FREM3: variants seen among roughly 807,000 people sequenced by gnomAD.
FREM3 encodes FRAS1-related extracellular matrix protein 3.
In FREM3, 105 loss-of-function variants were observed where a neutral mutation model predicts 129.1. The observed-to-expected ratio is 0.81, with a 90% CI of 0.69 to 0.96. The LOEUF (loss-of-function observed/expected upper bound fraction) is 0.96, where lower values mean the gene tolerates loss of function less well. FREM3 is among the 40% of genes least tolerant of loss of function. The pLI is 0.00. For missense variants in FREM3, 2,593 were observed against 2,666.3 expected, an observed-to-expected ratio of 0.97 and a Z score of 0.61; for synonymous variants, 1,014 against 1,044.9, an observed-to-expected ratio of 0.97 and a Z score of 0.57.
rs541959208 is a variant in FREM3 at position 143,577,368 on chromosome 4, A to G, written c.*243T>C. On this transcript the variant is annotated 3_prime_UTR_variant, in exon 8 of 8. Transcript: ENST00000329798. Reference sequence around the variant, plus strand: ...TTCTTACTTGCCTCAGAAACAAAGTAAAACAAAATAGAAAAAGAACATGAA... The same window carrying G: ...TTCTTACTTGCCTCAGAAACAAAGTGAAACAAAATAGAAAAAGAACATGAA... 1.0e-5 allele frequency: 5 copies of G among 500,210 alleles called. No individual in the cohort carries two copies. The Admixed American group carries it at 1.5e-4, about 15-fold the overall frequency. 31.0% of individuals were successfully genotyped at this position (500,210 alleles called of 1,614,324 possible).
chr4:143,700,024 C>A lies in FREM3; in HGVS notation c.652G>T (p.Gly218Cys), dbSNP rs775139947. The A allele has an allele frequency of 6.6e-7, 1 of 1,509,176 alleles. No homozygotes were observed. The allele number at this position is 1,509,176 out of a possible 1,614,324, so 93.5% of individuals were successfully genotyped here. A position where few individuals can be genotyped will look rare whatever the true frequency, so the allele number is the denominator to read the frequency against. Reference protein sequence around the residue: ...CRLTPLPHEDGPLPKYGRLVD... With the variant: ...CRLTPLPHEDCPLPKYGRLVD... The stretch of plus-strand genomic sequence containing the variant: ...AAGCGCCCGTACTTGGGCAGGGGGC[C>A]GTCCTCGTGAGGAAGTGGGGTAAGC... The change falls in exon 1 of 8, where the codon GGC becomes TGC. Residue 218 changes from glycine (G) to cysteine (C), a missense_variant. By Grantham distance (159) the Gly-to-Cys change is radical. Coordinates refer to ENST00000329798, the MANE Select transcript of FREM3 (RefSeq NM_001168235.2).
intron 2 of FREM3, among the ~76,000 whole-genome samples, chr4:143,689,393 C>A (rs1740424542): frequency 6.6e-6 from 1 of 151,940 alleles, no homozygotes; most frequent in Non-Finnish European, 1.5e-5. Flanking sequence ...TAGATTTTGG[C>A]ATGGATGTGT....
intron 4 of FREM3, among the ~76,000 whole-genome samples, chr4:143,623,504 C>A (rs1044216548): frequency 2.3e-4 from 32 of 138,176 alleles, no homozygotes; most frequent in South Asian, 8.4e-4. Flanking sequence ...CCCCCCCCCC[C>A]CCCACCATTT....
At chr4:143,649,627 G>A (rs1739476881) in intron 2 of FREM3, among the ~76,000 whole-genome samples, 1 of 152,076 alleles carries the variant, frequency 6.6e-6, no homozygotes, top group Non-Finnish European at 1.5e-5. Flanking sequence ...GCTTTCAATG[G>A]GACTTTCTTC....
At chr4:143,684,855 T>G in intron 2 of FREM3, among the ~76,000 whole-genome samples, 1 of 152,076 alleles carries the variant, frequency 6.6e-6, no homozygotes, top group Non-Finnish European at 1.5e-5. Context: ...TTTAGAAATG[T>G]GAAATGCTCT....
In FREM3 at chr4:143,700,492, C is replaced by G; in HGVS notation, c.184G>C (p.Val62Leu). Reference protein sequence around the residue: ...LDGTRPDGPSVLIANPGLRVP... With the variant: ...LDGTRPDGPSLLIANPGLRVP... Reference sequence around the variant, plus strand: ...CGGAGTCCAGGGTTGGCAATCAGCACGCTGGGGCCGTCGGGGCGAGTGCCG... The same window carrying G: ...CGGAGTCCAGGGTTGGCAATCAGCAGGCTGGGGCCGTCGGGGCGAGTGCCG... Residue 62 changes from valine (V) to leucine (L), a missense_variant, in exon 1 of 8, where the codon GTG becomes CTG. Physicochemically the swap from Val to Leu is conservative, Grantham distance 32 (BLOSUM62 1). Coordinates refer to ENST00000329798, the MANE Select transcript of FREM3 (RefSeq NM_001168235.2). 1.3e-6 allele frequency: 2 copies of G among 1,512,728 alleles called. No homozygotes were observed. The highest frequency in any genetic ancestry group is 1.8e-6 in the Non-Finnish European group (2 of 1,133,502). 93.7% of individuals were successfully genotyped at this position (1,512,728 alleles called of 1,614,324 possible). A position where few individuals can be genotyped will look rare whatever the true frequency, so the allele number is the denominator to read the frequency against.
intron 6 of FREM3, among the ~76,000 whole-genome samples, chr4:143,587,840 A>T (rs1329774822): frequency 3.9e-5 from 6 of 152,154 alleles, no homozygotes; most frequent in Non-Finnish European, 7.3e-5. Context: ...ATTCTGGCTG[A>T]TCACTTAATC....
At position 143,700,031 on chromosome 4, in the gene FREM3, G is replaced by T. The variant is rs187477605; in HGVS notation, c.645C>A (p.His215Gln). ...TRRCRLTPLP[H>Q]EDGPLPKYGR... ...CGTACTTGGGCAGGGGGCCGTCCTC[G>T]TGAGGAAGTGGGGTAAGCCGGCACC... Residue 215 changes from histidine to glutamine, a missense_variant, in exon 1 of 8, where the codon CAC (histidine) becomes CAA (glutamine). Around this residue, in one of 2 missense-constraint regions of FREM3, gnomAD observed 2,276 missense variants for 2,267.2 expected, o/e 1.00. Transcript: ENST00000329798. 46 of 1,512,014 alleles carry T rather than the reference G, an allele frequency of 3.0e-5. 1 individual carries two copies. The East Asian group carries it at 1.1e-3, about 35-fold the overall frequency. The allele number at this position is 1,512,014 out of a possible 1,614,324, so 93.7% of individuals were successfully genotyped here.
chr4:143,609,354 G>A (rs1449149144), intron 6 of FREM3, among the ~76,000 whole-genome samples: 1 of 152,160 alleles, frequency 6.6e-6, no homozygotes, highest in Non-Finnish European at 1.5e-5. Flanking sequence ...GTAGTGAAGG[G>A]AAAAGGAATT....
Position 143,696,360 on chromosome 4 carries a change from C to A in FREM3, c.4316G>T (p.Gly1439Val). 6.5e-7 allele frequency: 1 copy of A among 1,537,370 alleles called. No individual in the cohort carries two copies. The highest frequency in any genetic ancestry group is 8.7e-7 in the Non-Finnish European group (1 of 1,146,958). The change falls in exon 1 of 8, where the codon GGT becomes GTT. Residue 1439 changes from glycine (G) to valine (V), a missense_variant. By Grantham distance (109) the Gly-to-Val change is moderately radical. This residue lies in a region of FREM3 where 2,276 missense variants were observed against 2,267.2 expected (regional missense o/e 1.00). Transcript: ENST00000329798. ...VISKRITLIEGARVTLTNNLL... is the reference protein window; with the variant it reads ...VISKRITLIEVARVTLTNNLL... ...ATTGTTGGTAAGGGTCACTCTGGCA[C>A]CTTCTATCAAGGTGATCCTTTTGCT...
rs1740574220 is a variant in FREM3, at chr4:143,696,630, C to T, written c.4046G>A (p.Gly1349Glu). Residue 1349 changes from glycine to glutamate, a missense_variant, in exon 1 of 8, where the codon GGG becomes GAG. By Grantham distance (98) the Gly-to-Glu change is moderately conservative. This residue lies in a region of FREM3 where 2,276 missense variants were observed against 2,267.2 expected (regional missense o/e 1.00). Transcript: ENST00000329798. ...DKSLSFVLHS[G>E]PQQGLLQRLR... ...CCTCTGTAGAAGCCCTTGTTGAGGC[C>T]CAGAATGGAGGACAAAACTGAGGCT... 6.5e-7 allele frequency: 1 copy of T among 1,537,758 alleles called. No individual in the cohort carries two copies. The highest frequency in any genetic ancestry group is 8.7e-7 in the Non-Finnish European group (1 of 1,147,028).
At chr4:143,632,216 T>C (rs1739153340) in intron 2 of FREM3, among the ~76,000 whole-genome samples, 2 of 152,066 alleles carry the variant, frequency 1.3e-5, no homozygotes. Flanking sequence ...AAAAAAATCC[T>C]TGTTCTTGTG....
At chr4:143,589,210 G>C (rs375377491) in intron 6 of FREM3, among the ~76,000 whole-genome samples, 1 of 152,156 alleles carries the variant, frequency 6.6e-6, no homozygotes, top group East Asian at 1.9e-4. Context: ...CTCTGATGGT[G>C]GTTTCTTTTG....
Position 143,663,877 on chromosome 4 carries a change from C to T in FREM3, c.5275+29236G>A, listed in dbSNP as rs570421629. 6.8e-4 allele frequency among the ~76,000 whole-genome samples: 103 copies of T among 152,188 alleles called. 2 individuals are homozygous for T. The highest frequency in any genetic ancestry group is 3.4e-3 in the Middle Eastern group (1 of 294). ...TACCCTTTCTTCCAGTTGATCGCAT[C>T]GGCTCCTGAGGCTTCTGCATTCTTC... is the stretch of plus-strand genomic sequence containing the variant. On this transcript the variant is annotated intron_variant, in intron 2 of 7. Coordinates refer to ENST00000329798, the MANE Select transcript of FREM3 (RefSeq NM_001168235.2).
chr4:143,599,934 T>C (rs1486979607), intron 6 of FREM3, among the ~76,000 whole-genome samples: 1 of 152,178 alleles, frequency 6.6e-6, no homozygotes, highest in African/African-American at 2.4e-5. Flanking sequence ...GGCCCTGGAC[T>C]ATGGGCTCAG....
At chr4:143,667,565 A>G (rs985718598) in intron 2 of FREM3, among the ~76,000 whole-genome samples, 2 of 152,184 alleles carry the variant, frequency 1.3e-5, no homozygotes, top group African/African-American at 4.8e-5. Context: ...GTTCCTTGCC[A>G]ACTGGCACAC....
intron 2 of FREM3, among the ~76,000 whole-genome samples, chr4:143,660,297 C>A (rs1385257633): frequency 6.6e-6 from 1 of 152,090 alleles, no homozygotes; most frequent in Non-Finnish European, 1.5e-5. Flanking sequence ...CAGCTTTCTA[C>A]ATATGGCTAG....
intron 2 of FREM3, among the ~76,000 whole-genome samples, chr4:143,689,409 A>T (rs917656981): frequency 3.9e-5 from 6 of 152,094 alleles, no homozygotes; most frequent in Middle Eastern, 3.2e-3. Flanking sequence ...TGTGTTTGTT[A>T]ATCAGGGATC....
Position 143,698,512 on chromosome 4 carries a change from G to T in FREM3, c.2164C>A (p.His722Asn). 6.5e-7 allele frequency: 1 copy of T among 1,537,698 alleles called. No homozygotes were observed. ...EMTVQEYQLT[H>N]FQKNFLRYID... ...TATCGGAGGAAATTCTTCTGGAAGT[G>T]AGTGAGTTGGTATTCTTGTACAGTC... The change falls in exon 1 of 8, where the codon CAC becomes AAC. Residue 722 changes from histidine to asparagine, a missense_variant. Physicochemically the swap from His to Asn is moderately conservative, Grantham distance 68. Coordinates refer to ENST00000329798, the MANE Select transcript of FREM3 (RefSeq NM_001168235.2).
Sources: allele counts gnomAD v4.1 joint callset (sites outside exome capture counted in the v4.1 genomes callset), GRCh38; gene constraint gnomAD v4.1.1; regional missense constraint gnomAD v4.1.1; transcripts MANE v1.5; gene names NCBI Gene and HGNC (gene_info 2026-07-23, HGNC 2026-07-21).